Variants in DRD4 observed in about 807,000 individuals in gnomAD.
The protein encoded by DRD4 is D(4) dopamine receptor.
Under a neutral mutation model 22.1 loss-of-function variants are expected in DRD4, and 26 were observed. That is an observed-to-expected ratio of 1.17 (90% CI 0.86 to 1.63). The LOEUF is 1.63. DRD4 is among the 40% of genes most tolerant of loss of function. The pLI, the probability that DRD4 is intolerant of heterozygous loss-of-function variation, is 0.00. For synonymous variants in DRD4, 455 were observed against 306.7 expected, an observed-to-expected ratio of 1.48 and a Z score of -5.05; for missense variants, 913 against 632.4, an observed-to-expected ratio of 1.44 and a Z score of -4.76.
At chr11:639,306 T>G (rs1346289663) in intron 1 of DRD4, 127 bp from the exon 2 acceptor site, 6 of 855,492 alleles carry the variant, frequency 7.0e-6, no homozygotes, top group Admixed American at 2.1e-5. Context: ...CCCGGTCCTC[T>G]GGCCTCTGGC....
chr11:639,593 G>A (rs1328875107), intron 2 of DRD4, 48 bp downstream of exon 2: 6 of 1,297,368 alleles, frequency 4.6e-6, no homozygotes, highest in Admixed American at 8.3e-5. Flanking sequence ...CGCCCCGCCC[G>A]CCGCCCTCAC....
chr11:638,265 A>C (rs768901051), intron 1 of DRD4, among the ~76,000 whole-genome samples: 1 of 152,166 alleles, frequency 6.6e-6, no homozygotes, highest in African/African-American at 2.4e-5. Context: ...AAAGCAGCTT[A>C]GGGCTGAGCT....
Position 640,483 on chromosome 11 carries a change from G to C in DRD4, c.1140G>C (p.Arg380=), listed in dbSNP as rs763243971. Residue 380 remains arginine, a synonymous_variant, in exon 4 of 4, where the codon CGG becomes CGC. Coordinates refer to ENST00000176183, the MANE Select transcript of DRD4 (RefSeq NM_000797.4). The part of the protein sequence containing the change: ...ALCPACSVPP[R]LVSAVTWLGY... ...GTCCTGCCTGCTCCGTGCCCCCGCG[G>C]CTGGTCAGCGCCGTCACCTGGCTGG... The C allele has an allele frequency of 1.9e-6, 3 of 1,602,154 alleles. No individual in the cohort carries two copies. Among genetic ancestry groups the C allele is most frequent in the Non-Finnish European group, 2.5e-6 (3 of 1,179,800 alleles).
In DRD4 at chr11:640,286, G is replaced by C; in HGVS notation, c.1037G>C (p.Arg346Thr). 1 of 1,535,656 alleles carries C rather than the reference G, an allele frequency of 6.5e-7. No homozygotes were observed. Among genetic ancestry groups the C allele is most frequent in the Non-Finnish European group, 8.7e-7 (1 of 1,147,738 alleles). Residue 346 changes from arginine (R) to threonine (T), a missense_variant, in exon 3 of 4, where the codon AGG becomes ACG. Physicochemically the swap from Arg to Thr is moderately conservative, Grantham distance 71 (BLOSUM62 -1). Coordinates refer to ENST00000176183, the MANE Select transcript of DRD4 (RefSeq NM_000797.4). ...ACCGGCCGGGAGCGCAAGGCCATGA[G>C]GGTCCTGCCGGTGGTGGTCGGTGGG... ...KITGRERKAM[R>T]VLPVVVGAFL...
Position 637,371 on chromosome 11 carries a change from T to A in DRD4, c.67T>A (p.Ser23Thr), listed in dbSNP as rs1276711137. 51 of 1,150,158 alleles carry A rather than the reference T, an allele frequency of 4.4e-5. No individual in the cohort carries two copies. Among genetic ancestry groups the A allele is most frequent in the Non-Finnish European group, 5.6e-5 (51 of 907,270 alleles). 71.2% of individuals were successfully genotyped at this position (1,150,158 alleles called of 1,614,324 possible). The change falls in exon 1 of 4, where the codon TCT (serine) becomes ACT (threonine). Residue 23 changes from serine to threonine, a missense_variant. Coordinates refer to ENST00000176183, the MANE Select transcript of DRD4 (RefSeq NM_000797.4). ...TGGGCGCGGGCCGGCCGCGGGGGCA[T>A]CTGCGGGGGCATCTGCGGGGCTGGC... ...LAGRGPAAGA[S>T]AGASAGLAGQ...
Position 640,220 on chromosome 11 carries a change from A to T in DRD4, c.971A>T (p.Gln324Leu), listed in dbSNP as rs1564914128. 1 of 1,531,004 alleles carries T rather than the reference A, an allele frequency of 6.5e-7. No homozygotes were observed. The highest frequency in any genetic ancestry group is 8.7e-7 in the Non-Finnish European group (1 of 1,145,862). The allele number at this position is 1,531,004 out of a possible 1,614,324, so 94.8% of individuals were successfully genotyped here. A position where few individuals can be genotyped will look rare whatever the true frequency, so the allele number is the denominator to read the frequency against. Residue 324 changes from glutamine to leucine, a missense_variant, in exon 3 of 4, where the codon CAG becomes CTG. Transcript: ENST00000176183. ...DAVRAAALPP[Q>L]TPPQTRRRRR... is the part of the protein sequence containing the mutation. ...GTCAGAGCCGCCGCGCTCCCACCCC[A>T]GACTCCACCGCAGACCCGCAGGAGG...
At chr11:637,622 C>T (rs752306) in intron 1 of DRD4, 33 bp downstream of exon 1, 90,335 of 1,538,546 alleles carry the variant, frequency 0.059, 3,141 homozygotes, top group East Asian at 0.15. Context: ...AGCATCCTCA[C>T]CTGCTCCTCG....
Position 637,301 on chromosome 11 carries a change from CGCCA to C in DRD4, c.-3_1del. On this transcript the variant is annotated start_lost and 5_prime_UTR_variant, in exon 1 of 4. Coordinates refer to ENST00000176183, the MANE Select transcript of DRD4 (RefSeq NM_000797.4). ...GCGGTGCTCAGCGCCCGCCCGGGCG[CGCCA>C]TGGGGAACCGCAGCACCGCGGACGC... 6 of 1,207,558 alleles carry C rather than the reference CGCCA, an allele frequency of 5.0e-6. No individual in the cohort carries two copies. Among genetic ancestry groups the C allele is most frequent in the Non-Finnish European group, 6.2e-6 (6 of 973,002 alleles). The allele number at this position is 1,207,558 out of a possible 1,614,324, so 74.8% of individuals were successfully genotyped here.
At position 637,570 on chromosome 11, in the gene DRD4, C is replaced by T. The variant is rs530031052; in HGVS notation, c.266C>T (p.Pro89Leu). The T allele has an allele frequency of 6.4e-5, 100 of 1,553,788 alleles. No homozygotes were observed. The highest frequency in any genetic ancestry group is 9.6e-5 in the East Asian group (4 of 41,802). Residue 89 changes from proline (P) to leucine (L), a missense_variant, in exon 1 of 4, where the codon CCG becomes CTG. Transcript: ENST00000176183. ...CTCCTCCTCGCTCTCCTGGTGCTGC[C>T]GCTCTTCGTCTACTCCGAGGTGAGC... ...ADLLLALLVL[P>L]LFVYSEVQGG...
At position 640,692 on chromosome 11, in the gene DRD4, A is replaced by T. The variant is rs1045846331; in HGVS notation, c.*89A>T. The T allele has an allele frequency of 6.8e-7, 1 of 1,474,688 alleles. No homozygotes were observed. The allele number at this position is 1,474,688 out of a possible 1,614,324, so 91.4% of individuals were successfully genotyped here. A position where few individuals can be genotyped will look rare whatever the true frequency, so the allele number is the denominator to read the frequency against. ...GGGCGCTTTTGTACGTTAATTAAAC[A>T]AATTCCTTCCCAAACTCAGCTGTGA... On this transcript the variant is annotated 3_prime_UTR_variant, in exon 4 of 4. Coordinates refer to ENST00000176183, the MANE Select transcript of DRD4 (RefSeq NM_000797.4).
Position 640,568 on chromosome 11 carries a change from AAC to A in DRD4, c.1226_1227del (p.Asn409SerfsTer40). 1 of 1,599,804 alleles carries A rather than the reference AAC, an allele frequency of 6.3e-7. No homozygotes were observed. ...IYTVFNAEFR[N>X]VFRKALRACC ...CACTGTCTTCAACGCCGAGTTCCGC[AAC>A]GTCTTCCGCAAGGCCCTGCGTGCCT... On this transcript the variant is annotated frameshift_variant, in exon 4 of 4. Coordinates refer to ENST00000176183, the MANE Select transcript of DRD4 (RefSeq NM_000797.4). LOFTEE classifies it high-confidence loss of function.
intron 1 of DRD4, among the ~76,000 whole-genome samples, chr11:638,756 G>C (rs1198414059): frequency 6.6e-6 from 1 of 152,070 alleles, no homozygotes; most frequent in African/African-American, 2.4e-5. Flanking sequence ...ATGATATCAG[G>C]CCCGCCCCCA....
In DRD4 at chr11:637,453, CG is replaced by C; in HGVS notation, c.153del (p.Asn52ThrfsTer6). ...GTGCTGCTCATCGGCGCGGTGCTCG[CG>C]GGGAACTCGCTCGTGTGCGTGAGCG... The part of the protein sequence containing the change: ...GGVLLIGAVL[A>X]GNSLVCVSVA... On this transcript the variant is annotated frameshift_variant, in exon 1 of 4. Transcript: ENST00000176183. LOFTEE classifies it high-confidence loss of function. The C allele has an allele frequency of 3.3e-6, 5 of 1,534,562 alleles. No homozygotes were observed. Among genetic ancestry groups the C allele is most frequent in the Non-Finnish European group, 4.4e-6 (5 of 1,146,192 alleles).
In DRD4 at chr11:640,195, G is replaced by T; in HGVS notation, c.946G>T (p.Val316Phe). The T allele has an allele frequency of 1.3e-6, 2 of 1,531,426 alleles. No homozygotes were observed. The highest frequency in any genetic ancestry group is 1.7e-6 in the Non-Finnish European group (2 of 1,145,516). The allele number at this position is 1,531,426 out of a possible 1,614,324, so 94.9% of individuals were successfully genotyped here. A position where few individuals can be genotyped will look rare whatever the true frequency, so the allele number is the denominator to read the frequency against. Residue 316 changes from valine to phenylalanine, a missense_variant, in exon 3 of 4, where the codon GTC becomes TTC. By Grantham distance (50) the Val-to-Phe change is conservative. Transcript: ENST00000176183. ...CTCCAACTGTGCTCCCCCCGACGCC[G>T]TCAGAGCCGCCGCGCTCCCACCCCA... ...CGSNCAPPDA[V>F]RAAALPPQTP...
chr11:639,825 C>G lies in DRD4; in HGVS notation c.576C>G (p.Tyr192Ter), dbSNP rs1054131316. Residue 192 changes from tyrosine (Y) to a stop codon, truncating the protein, a stop_gained, in exon 3 of 4, where the codon TAC becomes TAG. Coordinates refer to ENST00000176183, the MANE Select transcript of DRD4 (RefSeq NM_000797.4). LOFTEE classifies it high-confidence loss of function. ...TGTGCCGCCTGGAGGACCGCGACTA[C>G]GTGGTCTACTCGTCCGTGTGCTCCT... ...PAVCRLEDRD[Y>*]VVYSSVCSFF... 1.9e-6 allele frequency: 3 copies of G among 1,581,706 alleles called. No individual in the cohort carries two copies. Among genetic ancestry groups the G allele is most frequent in the Admixed American group, 3.4e-5 (2 of 58,674 alleles).
chr11:637,476 A>G lies in DRD4; in HGVS notation c.172A>G (p.Ser58Gly). The G allele has an allele frequency of 6.5e-7, 1 of 1,540,210 alleles. No homozygotes were observed. Among genetic ancestry groups the G allele is most frequent in the South Asian group, 1.2e-5 (1 of 84,188 alleles). The change falls in exon 1 of 4, where the codon AGC (serine) becomes GGC (glycine). Residue 58 changes from serine to glycine, a missense_variant. Physicochemically the swap from Ser to Gly is moderately conservative, Grantham distance 56. Transcript: ENST00000176183. ...CGCGGGGAACTCGCTCGTGTGCGTGAGCGTGGCCACCGAGCGCGCCCTGCA... is the reference window on the plus strand; with the variant it reads ...CGCGGGGAACTCGCTCGTGTGCGTGGGCGTGGCCACCGAGCGCGCCCTGCA... ...VLAGNSLVCV[S>G]VATERALQTP...
chr11:640,436 G>A lies in DRD4; in HGVS notation c.1093G>A (p.Val365Met). The A allele has an allele frequency of 6.2e-7, 1 of 1,601,158 alleles. No homozygotes were observed. The change falls in exon 4 of 4, where the codon GTG (valine) becomes ATG (methionine). Residue 365 changes from valine to methionine, a missense_variant. Val to Met is a conservative substitution (Grantham distance 21). Transcript: ENST00000176183. ...GCTGTGCTGGACGCCCTTCTTCGTGGTGCACATCACGCAGGCGCTGTGTCC... is the reference window on the plus strand; with the variant it reads ...GCTGTGCTGGACGCCCTTCTTCGTGATGCACATCACGCAGGCGCTGTGTCC... ...FLLCWTPFFV[V>M]HITQALCPAC... is the part of the protein sequence containing the mutation.
chr11:637,472 C>T lies in DRD4; in HGVS notation c.168C>T (p.Cys56=), dbSNP rs1342293711. The change falls in exon 1 of 4, where the codon TGC becomes TGT. Residue 56 remains cysteine, a synonymous_variant. Transcript: ENST00000176183. ...TGCTCGCGGGGAACTCGCTCGTGTG[C>T]GTGAGCGTGGCCACCGAGCGCGCCC... ...GAVLAGNSLV[C]VSVATERALQ... is the part of the protein sequence containing the mutation. 1.2e-5 allele frequency: 19 copies of T among 1,538,906 alleles called. No homozygotes were observed. Among genetic ancestry groups the T allele is most frequent in the South Asian group, 8.3e-5 (7 of 84,122 alleles).
intron 1 of DRD4, among the ~76,000 whole-genome samples, chr11:638,520 GCTGGGCA>G (rs760011509): frequency 9.9e-5 from 15 of 152,136 alleles, no homozygotes; most frequent in Non-Finnish European, 1.0e-4. Flanking sequence ...GGAGTCCTAC[GCTGGGCA>G]CTGGGCACGG....
Sources: gnomAD v4.1 joint callset for allele counts (sites outside exome capture counted in the v4.1 genomes callset) on GRCh38, gnomAD v4.1.1 for gene constraint, MANE v1.5 for transcripts, NCBI Gene and HGNC (gene_info 2026-07-23, HGNC 2026-07-21) for gene names.